CLUH: variants seen among roughly 807,000 people sequenced by gnomAD.
CLUH encodes the protein clustered mitochondria protein homolog.
In CLUH, 77 loss-of-function variants were observed where a neutral mutation model predicts 139.3. The ratio of observed to expected loss-of-function variants is 0.55; its 90% confidence interval spans 0.46 to 0.67. The LOEUF is 0.67. Among genes scored for constraint, CLUH ranks in the 30% least tolerant of loss-of-function variants. CLUH has a pLI of 0.00. For missense variants in CLUH, 1,876 were observed against 1,875.8 expected (o/e 1.00, Z 0.00); for synonymous variants, 999 against 801.6 (o/e 1.25, Z -4.16).
chr17:2,691,978 G>GCGGCCCCGC lies in CLUH; in HGVS notation c.3654+25_3654+26insGCGGGGCCG, dbSNP rs1567576053. 8.6e-5 allele frequency: 42 copies of GCGGCCCCGC among 489,762 alleles called. No individual in the cohort carries two copies. In the African/African-American group the frequency reaches 3.2e-3, roughly 37 times the overall value. 30.3% of individuals were successfully genotyped at this position (489,762 alleles called of 1,614,324 possible). ...CCCGCCACGCCCCCGCCCCGCCCCC[G>GCGGCCCCGC]CCCCCGCCACGCCCCCGCCGCGCAC... On this transcript the variant is annotated intron_variant, in intron 23 of 25. Transcript: ENST00000651024.
intron 25 of CLUH, 133 bp downstream of exon 25, chr17:2,691,476 C>A: frequency 1.2e-6 from 1 of 854,858 alleles, no homozygotes; most frequent in South Asian, 1.5e-5. Flanking sequence ...GCAGGAGAAT[C>A]GCTGAACCCG....
At position 2,697,977 on chromosome 17, in the gene CLUH, G is replaced by T. The variant is rs779387700; in HGVS notation, c.1880C>A (p.Ala627Asp). Residue 627 changes from alanine to aspartate, a missense_variant, in exon 10 of 26, where the codon GCC (alanine) becomes GAC (aspartate). Transcript: ENST00000651024. Reference protein sequence around the residue: ...VPGEELPEECARAGFPRAHRH... With the variant: ...VPGEELPEECDRAGFPRAHRH... Reference sequence around the variant, plus strand: ...GTGGGCGCGGGGGAAGCCGGCGCGGGCGCATTCCTCAGGCAGCTCCTCGCC... The same window carrying T: ...GTGGGCGCGGGGGAAGCCGGCGCGGTCGCATTCCTCAGGCAGCTCCTCGCC... The T allele has an allele frequency of 4.4e-6, 7 of 1,584,922 alleles. No homozygotes were observed. The highest frequency in any genetic ancestry group is 6.0e-6 in the Non-Finnish European group (7 of 1,171,178).
rs1567575506 is a variant in CLUH at position 2,691,943 on chromosome 17, C to CA, written c.3655-49_3655-48insT. ...CAGGCCCCCCCGTGCCCCCGCGGCC[C>CA]CGCCCCCGCCCCGCCACGCCCCCGC... is the stretch of plus-strand genomic sequence containing the variant. On this transcript the variant is annotated intron_variant, in intron 23 of 25. Coordinates refer to ENST00000651024, the MANE Select transcript of CLUH (RefSeq NM_001366661.1). 3.5e-5 allele frequency: 45 copies of CA among 1,285,786 alleles called. 3 individuals are homozygous for CA. The highest frequency in any genetic ancestry group is 3.9e-5 in the Non-Finnish European group (39 of 1,001,684). The allele number at this position is 1,285,786 out of a possible 1,614,324, so 79.6% of individuals were successfully genotyped here.
At chr17:2,700,279 T>C (rs1275827294) in intron 9 of CLUH, 103 bp downstream of exon 9, 2 of 1,099,498 alleles carry the variant, frequency 1.8e-6, no homozygotes, top group Non-Finnish European at 2.6e-6. Context: ...CTGACAGGGT[T>C]AGGGCTGCCC....
chr17:2,696,348 C>A, intron 12 of CLUH, 86 bp downstream of exon 12: 1 of 1,506,908 alleles, frequency 6.6e-7, no homozygotes, highest in Non-Finnish European at 9.0e-7. Context: ...AGATGGGGGA[C>A]AAACCCACCA....
In CLUH at chr17:2,701,660, G is replaced by A. The variant is rs368488282; in HGVS notation, c.697C>T (p.Arg233Trp). The A allele has an allele frequency of 2.7e-5, 44 of 1,601,378 alleles. No individual in the cohort carries two copies. Among genetic ancestry groups the A allele is most frequent in the East Asian group, 9.0e-5 (4 of 44,490 alleles). Residue 233 changes from arginine (R) to tryptophan (W), a missense_variant, in exon 5 of 26, where the codon CGG becomes TGG. Coordinates refer to ENST00000651024, the MANE Select transcript of CLUH (RefSeq NM_001366661.1). ...TPPEYILPGS[R>W]ERPLCPLQPQ... ...TGCAGGGGACACAGTGGCCGCTCCC[G>A]GCTCCCTGGCAGGATGTACTCGGGT... is the stretch of plus-strand genomic sequence containing the variant.
Position 2,707,294 on chromosome 17 carries a change from C to A in CLUH, c.101-2730G>T, listed in dbSNP as rs922270010. 1 of 985,446 alleles carries A rather than the reference C, an allele frequency of 1.0e-6. No homozygotes were observed. Among genetic ancestry groups the A allele is most frequent in the South Asian group, 4.7e-5 (1 of 21,288 alleles). The allele number at this position is 985,446 out of a possible 1,614,324, so 61.0% of individuals were successfully genotyped here. ...CCGGGTTCCTTGTTCCAGCCTCTGC[C>A]GCTACCCTTGCCCTAATGCAGCCAG... is the stretch of plus-strand genomic sequence containing the variant. On this transcript the variant is annotated intron_variant, in intron 1 of 25. Coordinates refer to ENST00000651024, the MANE Select transcript of CLUH (RefSeq NM_001366661.1). This position sits in a 1 kb window ranked among gnomAD's most constrained non-coding sequence, Gnocchi z 7.4.
chr17:2,701,487 C>T lies in CLUH; in HGVS notation c.778G>A (p.Gly260Arg), dbSNP rs1478311187. 1.9e-6 allele frequency: 3 copies of T among 1,613,858 alleles called. No homozygotes were observed. The highest frequency in any genetic ancestry group is 2.2e-5 in the East Asian group (1 of 44,876). Residue 260 changes from glycine to arginine, a missense_variant, in exon 6 of 26, where the codon GGA (glycine) becomes AGA (arginine). By Grantham distance (125) the Gly-to-Arg change is moderately radical. Coordinates refer to ENST00000651024, the MANE Select transcript of CLUH (RefSeq NM_001366661.1). ...CGGTTCCCCGGGGGCGGGTTCCATCCGCTCATGGTGAGTACTTTCAGGCAC... is the reference window on the plus strand; with the variant it reads ...CGGTTCCCCGGGGGCGGGTTCCATCTGCTCATGGTGAGTACTTTCAGGCAC... ...LQCLKVLTMS[G>R]WNPPPGNRKM... is the part of the protein sequence containing the mutation.
At chr17:2,694,315 C>T (rs1306603285) in intron 17 of CLUH, 39 bp from the exon 18 acceptor site, 1 of 1,557,246 alleles carries the variant, frequency 6.4e-7, no homozygotes, top group Non-Finnish European at 8.7e-7. Context: ...GCCTCAGGCC[C>T]AGGTTCAGCG....
intron 23 of CLUH, 53 bp downstream of exon 23, chr17:2,691,951 G>GCCCCCGCCCCGCCCCCGCCCCCGC: frequency 9.2e-7 from 1 of 1,084,888 alleles, no homozygotes; most frequent in East Asian, 4.5e-5. Context: ...CCCCGCCCCC[G>GCCCCCGCCCCGCCCCCGCCCCCGC]CCCCGCCACG....
At position 2,696,094 on chromosome 17, in the gene CLUH, G is replaced by C. The variant is rs551305719; in HGVS notation, c.2391+65C>G. On this transcript the variant is annotated intron_variant, in intron 13 of 25. Coordinates refer to ENST00000651024, the MANE Select transcript of CLUH (RefSeq NM_001366661.1). ...GCCTGTGTTCATGGGCCTCCAAGTC[G>C]GAGACAGATGAGGGACCAGCACCCT... 5 of 1,326,762 alleles carry C rather than the reference G, an allele frequency of 3.8e-6. No homozygotes were observed. The African/African-American group carries it at 4.4e-5, about 12-fold the overall frequency. 82.2% of individuals were successfully genotyped at this position (1,326,762 alleles called of 1,614,324 possible). A position where few individuals can be genotyped will look rare whatever the true frequency, so the allele number is the denominator to read the frequency against.
Position 2,703,614 on chromosome 17 carries a change from A to G in CLUH, c.304-125T>C, listed in dbSNP as rs140306732. 4.0e-4 allele frequency: 350 copies of G among 878,396 alleles called. No homozygotes were observed. The highest frequency in any genetic ancestry group is 3.0e-3 in the African/African-American group (183 of 60,006). The allele number at this position is 878,396 out of a possible 1,614,324, so 54.4% of individuals were successfully genotyped here. A position where few individuals can be genotyped will look rare whatever the true frequency, so the allele number is the denominator to read the frequency against. ...ACAATATCCCCTTGTCCCCAGCCCA[A>G]AGTACCTTGGTCCCCAGAATAAATG... On this transcript the variant is annotated intron_variant, in intron 2 of 25. Transcript: ENST00000651024. The surrounding 1 kb of genome is among the most constrained non-coding windows in gnomAD (Gnocchi z 4.2).
chr17:2,691,973 C>CCCCCGCCACGCCCCCG (rs1555529494), intron 23 of CLUH, 31 bp downstream of exon 23: 1 of 455,510 alleles, frequency 2.2e-6, no homozygotes, highest in African/African-American at 5.3e-5. Context: ...CCCCGCCCCG[C>CCCCCGCCACGCCCCCG]CCCCGCCCCC....
upstream of CLUH, chr17:2,711,793 G>A (rs1043267046): frequency 2.7e-4 from 64 of 237,724 alleles, no homozygotes; most frequent in Non-Finnish European, 3.4e-4. Context: ...CGTGGCCTTT[G>A]ACCCCGCCGC....
At position 2,697,886 on chromosome 17, in the gene CLUH, C is replaced by T. The variant is rs1039371822; in HGVS notation, c.1961+10G>A. 1.7e-5 allele frequency: 25 copies of T among 1,469,620 alleles called. No homozygotes were observed. In the East Asian group the frequency reaches 2.5e-4, roughly 15 times the overall value. The allele number at this position is 1,469,620 out of a possible 1,614,324, so 91.0% of individuals were successfully genotyped here. On this transcript the variant is annotated intron_variant, in intron 10 of 25. Coordinates refer to ENST00000651024, the MANE Select transcript of CLUH (RefSeq NM_001366661.1). Reference sequence around the variant, plus strand: ...GGCCCCGGCCCTGGTCCGGCAGGGCCGCCCCTCACCTGTGCTCCACGAAGG... The same window carrying T: ...GGCCCCGGCCCTGGTCCGGCAGGGCTGCCCCTCACCTGTGCTCCACGAAGG...
At position 2,707,054 on chromosome 17, in the gene CLUH, C is replaced by T; in HGVS notation, c.101-2490G>A. Reference sequence around the variant, plus strand: ...CCCAAGGGGCCTCCTCTCCCCAGGACAGCATGTTTTACCCTAATCCTTCCT... The same window carrying T: ...CCCAAGGGGCCTCCTCTCCCCAGGATAGCATGTTTTACCCTAATCCTTCCT... On this transcript the variant is annotated intron_variant, in intron 1 of 25. Coordinates refer to ENST00000651024, the MANE Select transcript of CLUH (RefSeq NM_001366661.1). The surrounding 1 kb of genome is among the most constrained non-coding windows in gnomAD (Gnocchi z 7.4). The T allele has an allele frequency of 2.1e-6, 1 of 468,658 alleles. No individual in the cohort carries two copies. The highest frequency in any genetic ancestry group is 2.8e-6 in the Non-Finnish European group (1 of 357,434). The allele number at this position is 468,658 out of a possible 1,614,324, so 29.0% of individuals were successfully genotyped here. A position where few individuals can be genotyped will look rare whatever the true frequency, so the allele number is the denominator to read the frequency against.
At chr17:2,697,843 C>T in intron 10 of CLUH, 53 bp downstream of exon 10, 8 of 1,425,928 alleles carry the variant, frequency 5.6e-6, no homozygotes, top group Non-Finnish European at 7.3e-6. Context: ...ACCCAGGGCG[C>T]CCGCACTCCC....
At chr17:2,693,264 C>G (rs1398760216) in intron 19 of CLUH, among the ~76,000 whole-genome samples, 1 of 151,424 alleles carries the variant, frequency 6.6e-6, no homozygotes, top group Non-Finnish European at 1.5e-5. Context: ...GGTGTGCTGG[C>G]TCACGCCTGT....
rs757934910 is a variant in CLUH, at chr17:2,698,029, G to C, written c.1828C>G (p.Pro610Ala). 32 of 1,605,228 alleles carry C rather than the reference G, an allele frequency of 2.0e-5. No homozygotes were observed. The African/African-American group carries it at 2.5e-4, about 13-fold the overall frequency. Residue 610 changes from proline to alanine, a missense_variant, in exon 10 of 26, where the codon CCG (proline) becomes GCG (alanine). This residue lies in a region of CLUH where 1,454 missense variants were observed against 1,384.4 expected (regional missense o/e 1.05). Transcript: ENST00000651024. Reference sequence around the variant, plus strand: ...GGCACGGGCAGGAAGTTGAGGTCCGGGGGGAAGGTGCGCAGCAGGTCGAGG... The same window carrying C: ...GGCACGGGCAGGAAGTTGAGGTCCGCGGGGAAGGTGCGCAGCAGGTCGAGG... ...YILDLLRTFPPDLNFLPVPGE... is the reference protein window; with the variant it reads ...YILDLLRTFPADLNFLPVPGE...
Sources: gnomAD v4.1 joint callset for allele counts (sites outside exome capture counted in the v4.1 genomes callset) on GRCh38, gnomAD v4.1.1 for gene constraint, gnomAD v4.1.1 regional missense constraint, Gnocchi (gnomAD v3.1) non-coding constraint, MANE v1.5 for transcripts, NCBI Gene and HGNC (gene_info 2026-07-23, HGNC 2026-07-21) for gene names.